Variants in MICU3 observed in about 807,000 individuals in gnomAD.
The protein encoded by MICU3 is mitochondrial calcium uptake 3.
A neutral mutation model predicts 66.5 loss-of-function variants in MICU3; 62 were observed. The ratio of observed to expected loss-of-function variants is 0.93; its 90% CI spans 0.76 to 1.15. The LOEUF (loss-of-function observed/expected upper bound fraction) is 1.15. Ranked by LOEUF, MICU3 falls within the 50% of genes most tolerant of loss-of-function variation. The pLI is 0.00. For missense variants in MICU3, 779 were observed against 664.4 expected, an observed-to-expected ratio of 1.17 and a Z score of -1.90; for synonymous variants, 308 against 240.7, an observed-to-expected ratio of 1.28 and a Z score of -2.59.
chr8:17,056,579 A>C (rs1043425500), intron 1 of MICU3, among the ~76,000 whole-genome samples: 3 of 152,228 alleles, frequency 2.0e-5, no homozygotes, highest in African/African-American at 7.2e-5. Flanking sequence ...AGATAATTGC[A>C]ACCTGGTGTG....
At chr8:17,035,592 G>T (rs1812834874) in intron 1 of MICU3, among the ~76,000 whole-genome samples, 1 of 152,190 alleles carries the variant, frequency 6.6e-6, no homozygotes, top group Non-Finnish European at 1.5e-5. Flanking sequence ...GAGATTTGTG[G>T]AATTTTGAAC....
chr8:17,090,717 G>C, intron 8 of MICU3, 133 bp downstream of exon 8: 2 of 582,166 alleles, frequency 3.4e-6, no homozygotes, highest in East Asian at 6.1e-5. Flanking sequence ...AACACAATAG[G>C]TGCAATGAAG....
At chr8:17,077,489 G>A (rs1011820284) in intron 3 of MICU3, among the ~76,000 whole-genome samples, 20 of 152,070 alleles carry the variant, frequency 1.3e-4, no homozygotes, top group Admixed American at 1.2e-3. Context: ...TAAACTCACT[G>A]TTTTATCTTG....
At chr8:17,054,688 C>G (rs1374136165) in intron 1 of MICU3, among the ~76,000 whole-genome samples, 1 of 151,546 alleles carries the variant, frequency 6.6e-6, no homozygotes, top group Non-Finnish European at 1.5e-5. Flanking sequence ...TCTCAACATT[C>G]AAGGACTGAG....
At chr8:17,105,314 T>A (rs1801647538) in intron 10 of MICU3, 99 bp from the exon 11 acceptor site, 1 of 659,756 alleles carries the variant, frequency 1.5e-6, no homozygotes, top group Non-Finnish European at 2.5e-6. Flanking sequence ...ATACAATTAT[T>A]TCCATATAAC....
chr8:17,093,278 A>G lies in MICU3; in HGVS notation c.888+2694A>G, dbSNP rs1414163097. On this transcript the variant is annotated intron_variant, in intron 8 of 14. Coordinates refer to ENST00000318063, the MANE Select transcript of MICU3 (RefSeq NM_181723.3). Reference sequence around the variant, plus strand: ...AAAGCCAAGTACATTTGACTTTGGCATGTATTAGAGGATTTTTTTAGAAGA... The same window carrying G: ...AAAGCCAAGTACATTTGACTTTGGCGTGTATTAGAGGATTTTTTTAGAAGA... Among the ~76,000 whole-genome samples the G allele has an allele frequency of 3.9e-5, 6 of 152,152 alleles. No homozygotes were observed. The East Asian group carries it at 1.2e-3, about 29-fold the overall frequency.
intron 2 of MICU3, among the ~76,000 whole-genome samples, chr8:17,066,767 G>C (rs1306222451): frequency 1.3e-5 from 2 of 151,686 alleles, no homozygotes; most frequent in African/African-American, 4.8e-5. Context: ...GGCTTGGCTT[G>C]AACTCCTGGG....
chr8:17,056,812 A>T (rs935154294), intron 1 of MICU3, among the ~76,000 whole-genome samples: 2 of 152,202 alleles, frequency 1.3e-5, no homozygotes, highest in African/African-American at 4.8e-5. Context: ...CCTTCGTGAG[A>T]ATCACATATT....
intron 5 of MICU3, among the ~76,000 whole-genome samples, chr8:17,082,793 T>C (rs78250222): frequency 0.039 from 5,991 of 152,256 alleles, 168 homozygotes; most frequent in Non-Finnish European, 0.057. Context: ...TTCACACCAC[T>C]GTGTTATTCT....
intron 9 of MICU3, among the ~76,000 whole-genome samples, chr8:17,103,375 G>A (rs1343527419): frequency 6.6e-6 from 1 of 151,850 alleles, no homozygotes; most frequent in Admixed American, 6.6e-5. Context: ...TCTGTCTTAT[G>A]TTTTCTATGG....
chr8:17,027,938 A>G (rs1811310560), intron 1 of MICU3, among the ~76,000 whole-genome samples: 1 of 152,074 alleles, frequency 6.6e-6, no homozygotes, highest in African/African-American at 2.4e-5. Context: ...CCCCTCTTAC[A>G]AAAAAAGATT....
At chr8:17,123,659 T>C (rs1438638728), downstream of MICU3, among the ~76,000 whole-genome samples, 1 of 152,104 alleles carries the variant, frequency 6.6e-6, no homozygotes, top group Non-Finnish European at 1.5e-5. Context: ...CAGTTTTACT[T>C]GTGGGACTAT....
chr8:17,107,965 C>G (rs1211897855), intron 11 of MICU3, among the ~76,000 whole-genome samples: 1 of 152,084 alleles, frequency 6.6e-6, no homozygotes, highest in Non-Finnish European at 1.5e-5. Flanking sequence ...TATAGGTGCC[C>G]AGGCAATAGA....
At chr8:17,075,208 G>C (rs1413691388) in intron 3 of MICU3, among the ~76,000 whole-genome samples, 1 of 136,158 alleles carries the variant, frequency 7.3e-6, no homozygotes, top group African/African-American at 2.8e-5. Flanking sequence ...CACCGTCCTA[G>C]CACAGCAGCG....
At chr8:17,058,794 A>G (rs954335638) in intron 1 of MICU3, among the ~76,000 whole-genome samples, 1 of 152,236 alleles carries the variant, frequency 6.6e-6, no homozygotes, top group African/African-American at 2.4e-5. Flanking sequence ...ACTGTATCAT[A>G]GTAACAAACG....
Position 17,069,677 on chromosome 8 carries a change from G to A in MICU3, c.536-11G>A. The A allele has an allele frequency of 6.7e-7, 1 of 1,500,436 alleles. No homozygotes were observed. Among genetic ancestry groups the A allele is most frequent in the Non-Finnish European group, 9.1e-7 (1 of 1,104,680 alleles). The allele number at this position is 1,500,436 out of a possible 1,614,324, so 92.9% of individuals were successfully genotyped here. ...TTTATTATCTAATTATCTTACATTT[G>A]TTTATTTTAGTTGCCAAAACTTGGA... On this transcript the variant is annotated splice_polypyrimidine_tract_variant and intron_variant, in intron 2 of 14. Coordinates refer to ENST00000318063, the MANE Select transcript of MICU3 (RefSeq NM_181723.3).
chr8:17,075,807 G>T (rs1246114442), intron 3 of MICU3, among the ~76,000 whole-genome samples: 3 of 152,004 alleles, frequency 2.0e-5, no homozygotes, highest in Non-Finnish European at 4.4e-5. Flanking sequence ...TTAGAATGAA[G>T]TTATTATATG....
intron 1 of MICU3, among the ~76,000 whole-genome samples, chr8:17,035,878 G>C (rs1325781207): frequency 6.6e-6 from 1 of 152,198 alleles, no homozygotes; most frequent in African/African-American, 2.4e-5. Context: ...TAGTCACCAA[G>C]ACAGTGGGAA....
chr8:17,095,603 T>A (rs1252651920), intron 8 of MICU3, among the ~76,000 whole-genome samples: 1 of 151,934 alleles, frequency 6.6e-6, no homozygotes, highest in Admixed American at 6.6e-5. Context: ...CTTAGACCCT[T>A]TATTCAGACA....
Sources: gnomAD v4.1 joint callset for allele counts (sites outside exome capture counted in the v4.1 genomes callset) on GRCh38, gnomAD v4.1.1 for gene constraint, MANE v1.5 for transcripts, NCBI Gene and HGNC (gene_info 2026-07-23, HGNC 2026-07-21) for gene names.